Variants in CSTPP1 observed in about 807,000 individuals in gnomAD.
CSTPP1 encodes centriolar satellite-associated tubulin polyglutamylase complex regulator 1, also known as UPF0705 protein C11orf49.
chr11:46,966,956 G>A, the CSTPP1 span, among the ~76,000 whole-genome samples: 1 of 152,000 alleles, frequency 6.6e-6, no homozygotes, highest in African/African-American at 2.4e-5. Flanking sequence ...CCTGGTGAGG[G>A]CTCCCTTCCC....
chr11:46,979,582 A>G, the CSTPP1 span, among the ~76,000 whole-genome samples: 371 of 152,228 alleles, frequency 2.4e-3, 1 homozygote, highest in African/African-American at 8.1e-3. Flanking sequence ...TGTTATGGTC[A>G]GCTAGCTGAG....
the CSTPP1 span, chr11:47,052,645 T>C: frequency 7.7e-7 from 1 of 1,303,204 alleles, no homozygotes. Flanking sequence ...TTTTCTTTTG[T>C]TCCTATAAAT....
At chr11:47,096,104 T>TG in the CSTPP1 span, among the ~76,000 whole-genome samples, 324 of 152,342 alleles carry the variant, frequency 2.1e-3, 1 homozygote, top group African/African-American at 7.5e-3. Flanking sequence ...CAGACTAATT[T>TG]GGGGAACTGC....
the CSTPP1 span, among the ~76,000 whole-genome samples, chr11:47,097,100 A>AG: frequency 2.9e-3 from 279 of 97,638 alleles, 4 homozygotes; most frequent in Middle Eastern, 9.1e-3. Context: ...GGAGGGAGGT[A>AG]GGGGGGTCAG....
At chr11:47,161,939 G>A in the CSTPP1 span, 29 of 1,132,952 alleles carry the variant, frequency 2.6e-5, no homozygotes, top group Non-Finnish European at 3.0e-5. Flanking sequence ...AACCTCTTAA[G>A]AGCAGTCTCT....
At chr11:47,020,196 C>T in the CSTPP1 span, among the ~76,000 whole-genome samples, 1 of 152,146 alleles carries the variant, frequency 6.6e-6, no homozygotes, top group African/African-American at 2.4e-5. Flanking sequence ...CCTTTCATCT[C>T]CTTTGCTCAT....
the CSTPP1 span, among the ~76,000 whole-genome samples, chr11:47,020,374 G>T: frequency 6.6e-6 from 1 of 152,068 alleles, no homozygotes; most frequent in South Asian, 2.1e-4. Flanking sequence ...AGCCTATTTG[G>T]TTTTTTCTTA....
the CSTPP1 span, among the ~76,000 whole-genome samples, chr11:46,938,781 T>C: frequency 3.1e-5 from 1 of 31,942 alleles, no homozygotes; most frequent in Admixed American, 5.0e-4. Flanking sequence ...TTTCTTCTTC[T>C]TTTTTTTTTT....
At chr11:47,157,010 C>G in the CSTPP1 span, 2 of 1,613,822 alleles carry the variant, frequency 1.2e-6, no homozygotes, top group African/African-American at 2.7e-5. Context: ...CACCCCCACC[C>G]CCACGGTTCC....
chr11:47,159,763 T>A, the CSTPP1 span: 1 of 452,014 alleles, frequency 2.2e-6, no homozygotes, highest in Non-Finnish European at 4.5e-6. Context: ...CCCAACACTT[T>A]GGGAGGCCGA....
chr11:47,092,287 T>C, the CSTPP1 span, among the ~76,000 whole-genome samples: 1 of 152,186 alleles, frequency 6.6e-6, no homozygotes, highest in African/African-American at 2.4e-5. Context: ...TGTTGTCAAG[T>C]ATATAATGAA....
the CSTPP1 span, among the ~76,000 whole-genome samples, chr11:47,061,969 T>C: frequency 6.6e-6 from 1 of 152,104 alleles, no homozygotes; most frequent in African/African-American, 2.4e-5. Context: ...CAAGCATTCC[T>C]GGAATGCTTT....
the CSTPP1 span, among the ~76,000 whole-genome samples, chr11:47,060,090 C>T: frequency 2.1e-5 from 3 of 140,802 alleles, no homozygotes; most frequent in Non-Finnish European, 3.0e-5. Context: ...GGCAACAGAG[C>T]GAGACTCTGT....
chr11:47,096,431 A>C, the CSTPP1 span, among the ~76,000 whole-genome samples: 3 of 152,142 alleles, frequency 2.0e-5, no homozygotes, highest in Non-Finnish European at 4.4e-5. Context: ...TCCCTCATAT[A>C]AGTGAAGAGA....
the CSTPP1 span, among the ~76,000 whole-genome samples, chr11:46,953,587 A>T: frequency 6.6e-6 from 1 of 152,150 alleles, no homozygotes; most frequent in East Asian, 1.9e-4. Flanking sequence ...GATCTTTGAA[A>T]ATATTTGAGA....
the CSTPP1 span, among the ~76,000 whole-genome samples, chr11:47,038,096 C>T: frequency 2.9e-4 from 21 of 71,362 alleles, 2 homozygotes; most frequent in East Asian, 3.5e-3. Context: ...GCTGGCCGGG[C>T]GGGGGGCTGA....
chr11:47,068,208 T>A, the CSTPP1 span, among the ~76,000 whole-genome samples: 2 of 152,162 alleles, frequency 1.3e-5, no homozygotes, highest in African/African-American at 2.4e-5. Context: ...TAATATTTTT[T>A]AAAATGTAAA....
chr11:47,127,402 G>A, the CSTPP1 span, among the ~76,000 whole-genome samples: 6 of 152,186 alleles, frequency 3.9e-5, no homozygotes, highest in Admixed American at 1.3e-4. Context: ...TGACAGTCTG[G>A]GAAAGTGGCG....
chr11:46,999,457 T>C, the CSTPP1 span, among the ~76,000 whole-genome samples: 3 of 152,186 alleles, frequency 2.0e-5, no homozygotes. Flanking sequence ...CACTGTTCTC[T>C]ACTGCCTCCA....
Sources: gnomAD v4.1 joint callset for allele counts (sites outside exome capture counted in the v4.1 genomes callset) on GRCh38, gnomAD v4.1.1 for gene constraint, MANE v1.5 for transcripts, NCBI Gene and HGNC (gene_info 2026-07-23, HGNC 2026-07-21) for gene names.